Variants in BDP1 observed in about 807,000 individuals in gnomAD.
BDP1 encodes transcription factor TFIIIB component B'' homolog.
In BDP1, 169 loss-of-function variants were observed where a neutral mutation model predicts 266.6. The ratio of observed to expected loss-of-function variants is 0.63; its 90% CI spans 0.56 to 0.72. The LOEUF (loss-of-function observed/expected upper bound fraction) is 0.72. BDP1 is among the 30% of genes least tolerant of loss of function. The pLI is 0.00. For missense variants in BDP1, 3,015 were observed against 3,053.8 expected, an observed-to-expected ratio of 0.99 and a Z score of 0.30; for synonymous variants, 1,090 against 1,022.4, an observed-to-expected ratio of 1.07 and a Z score of -1.26.
At chr5:71,464,002 A>G (rs1761735624) in intron 3 of BDP1, 56 bp from the exon 4 acceptor site, 11 of 1,014,286 alleles carry the variant, frequency 1.1e-5, no homozygotes, top group Non-Finnish European at 1.6e-5. Context: ...TACAGATAGA[A>G]TTGGGAAGAT....
chr5:71,462,700 A>G (rs1484915296), intron 3 of BDP1, among the ~76,000 whole-genome samples: 1 of 152,040 alleles, frequency 6.6e-6, no homozygotes, highest in Non-Finnish European at 1.5e-5. Context: ...GCTGCAGTGA[A>G]CCATGTTCAT....
At chr5:71,483,778 G>T (rs1016605397) in intron 7 of BDP1, 64 bp from the exon 8 acceptor site, 106 of 1,191,460 alleles carry the variant, frequency 8.9e-5, no homozygotes, top group Non-Finnish European at 1.3e-4. Context: ...AATGCTTACT[G>T]CATTTAAAAA....
chr5:71,478,932 C>T (rs1352429588), intron 7 of BDP1, among the ~76,000 whole-genome samples: 2 of 152,122 alleles, frequency 1.3e-5, no homozygotes, highest in Non-Finnish European at 2.9e-5. Context: ...GCGTCAAGTT[C>T]ACTGACTCTG....
intron 38 of BDP1, chr5:71,562,986 G>T: frequency 1.0e-6 from 1 of 977,692 alleles, no homozygotes; most frequent in Non-Finnish European, 1.3e-6. Context: ...AGAGAAGGCT[G>T]GTGAGCATCT....
At chr5:71,554,184 A>G (rs577598791) in intron 35 of BDP1, among the ~76,000 whole-genome samples, 1 of 152,338 alleles carries the variant, frequency 6.6e-6, no homozygotes. Context: ...AAAAAATGGC[A>G]TATCCCAGAA....
At chr5:71,485,909 A>G (rs1488322661) in intron 8 of BDP1, among the ~76,000 whole-genome samples, 3 of 152,186 alleles carry the variant, frequency 2.0e-5, no homozygotes, top group African/African-American at 7.2e-5. Context: ...AGTTTTGACA[A>G]AGAATATGCC....
rs1183310272 is a variant in BDP1 at position 71,455,997 on chromosome 5, C to G, written c.120C>G (p.Ala40=). Residue 40 remains alanine (A), a synonymous_variant, in exon 1 of 39, where the codon GCC becomes GCG. Coordinates refer to ENST00000358731, the MANE Select transcript of BDP1 (RefSeq NM_018429.3). ...GRESPRPPDP[A]TDSASKPAEP... is the part of the protein sequence containing the mutation. ...AGTCTCCCAGGCCGCCGGATCCTGC[C>G]ACGGACTCTGCTTCCAAGCCCGCGG... 3 of 1,613,482 alleles carry G rather than the reference C, an allele frequency of 1.9e-6. No individual in the cohort carries two copies. Among genetic ancestry groups the G allele is most frequent in the African/African-American group, 2.7e-5 (2 of 74,936 alleles).
chr5:71,473,013 G>A (rs1465324866), intron 7 of BDP1, among the ~76,000 whole-genome samples: 2 of 148,266 alleles, frequency 1.3e-5, no homozygotes, highest in Admixed American at 6.9e-5. Context: ...CTCCTGAGTA[G>A]TTGGGACTAC....
At chr5:71,539,511 T>C (rs1195011921) in intron 27 of BDP1, 46 bp from the exon 28 acceptor site, 1 of 1,463,542 alleles carries the variant, frequency 6.8e-7, no homozygotes. Flanking sequence ...GTGAACAGAT[T>C]TCCGGATTCA....
At chr5:71,555,470 TC>T (rs1554128169) in intron 35 of BDP1, among the ~76,000 whole-genome samples, 1 of 75,886 alleles carries the variant, frequency 1.3e-5, no homozygotes, top group Admixed American at 2.4e-4. Flanking sequence ...ATGGAGTTTC[TC>T]TCCTATTGCC....
intron 11 of BDP1, among the ~76,000 whole-genome samples, chr5:71,492,444 G>A (rs1293344860): frequency 6.6e-6 from 1 of 152,124 alleles, no homozygotes; most frequent in Non-Finnish European, 1.5e-5. Context: ...TGAACAGGTA[G>A]AAGGTGGTTT....
chr5:71,571,224 A>G (rs1255457302), downstream of BDP1, among the ~76,000 whole-genome samples: 1 of 152,200 alleles, frequency 6.6e-6, no homozygotes, highest in Non-Finnish European at 1.5e-5. Context: ...AGCTCACTGC[A>G]GCTTCCACAT....
rs769711507 is a variant in BDP1, at chr5:71,522,364, G to A, written c.5067G>A (p.Leu1689=). 6 of 1,613,840 alleles carry A rather than the reference G, an allele frequency of 3.7e-6. No homozygotes were observed. The highest frequency in any genetic ancestry group is 5.1e-6 in the Non-Finnish European group (6 of 1,179,916). The change falls in exon 23 of 39, where the codon TTG becomes TTA. Residue 1689 remains leucine, a synonymous_variant. Transcript: ENST00000358731. ...AATTCCAAAAGGCTAAGCCAAATTT[G>A]GGAAGAGCACACAGTAAGAAAGAGG... ...RRKFQKAKPN[L]GRAHSKKEEP...
chr5:71,545,708 A>G (rs1248203936), intron 32 of BDP1, among the ~76,000 whole-genome samples: 2 of 152,190 alleles, frequency 1.3e-5, no homozygotes, highest in Non-Finnish European at 2.9e-5. Context: ...GAACAGTTCC[A>G]TAAAAAGTTC....
intron 36 of BDP1, among the ~76,000 whole-genome samples, chr5:71,557,833 T>A (rs781743425): frequency 9.2e-5 from 14 of 152,136 alleles, no homozygotes; most frequent in Non-Finnish European, 1.6e-4. Flanking sequence ...CCACCACCTG[T>A]GGCCTATAAT....
chr5:71,514,761 T>C (rs13168104), intron 19 of BDP1, among the ~76,000 whole-genome samples, 183 bp from the exon 20 acceptor site: 7 of 152,332 alleles, frequency 4.6e-5, no homozygotes, highest in Non-Finnish European at 1.0e-4. Flanking sequence ...TTTTTGTGTG[T>C]ATATTTCTAC....
rs771386736 is a variant in BDP1, at chr5:71,510,056, A to G, written c.2964A>G (p.Gly988=). ...EEIDKNLEET[G]RRKISPRENG... Reference sequence around the variant, plus strand: ...TAGACAAAAATTTGGAAGAAACTGGAAGAAGAAAAATATCCCCAAGGGAAA... The same window carrying G: ...TAGACAAAAATTTGGAAGAAACTGGGAGAAGAAAAATATCCCCAAGGGAAA... The change falls in exon 17 of 39, where the codon GGA becomes GGG. Residue 988 remains glycine, a synonymous_variant. Coordinates refer to ENST00000358731, the MANE Select transcript of BDP1 (RefSeq NM_018429.3). The G allele has an allele frequency of 6.2e-7, 1 of 1,613,720 alleles. No individual in the cohort carries two copies. The highest frequency in any genetic ancestry group is 1.1e-5 in the South Asian group (1 of 91,074).
intron 25 of BDP1, among the ~76,000 whole-genome samples, chr5:71,529,077 A>G (rs575046905): frequency 6.6e-6 from 1 of 152,266 alleles, no homozygotes; most frequent in Non-Finnish European, 1.5e-5. Flanking sequence ...ATTCATATAT[A>G]TGTTAGAAAA....
At chr5:71,503,875 G>A (rs918711916) in intron 15 of BDP1, among the ~76,000 whole-genome samples, 3 of 152,022 alleles carry the variant, frequency 2.0e-5, no homozygotes, top group Non-Finnish European at 4.4e-5. Context: ...GGAGGCTGAG[G>A]CAGGAGGATC....
Sources: gnomAD v4.1 joint callset for allele counts (sites outside exome capture counted in the v4.1 genomes callset) on GRCh38, gnomAD v4.1.1 for gene constraint, MANE v1.5 for transcripts, NCBI Gene and HGNC (gene_info 2026-07-23, HGNC 2026-07-21) for gene names.